APP: variants seen among roughly 807,000 people sequenced by gnomAD.
APP encodes the protein amyloid beta precursor protein.
Under a neutral mutation model 101.4 loss-of-function variants are expected in APP, and 31 were observed. That is an observed-to-expected ratio of 0.31 (90% CI 0.23 to 0.41). APP has a LOEUF of 0.41. APP is among the 10% of genes least tolerant of loss of function. APP has a pLI of 1.00. For missense variants in APP, 839 were observed against 1,003.7 expected (o/e 0.84, Z 2.22); for synonymous variants, 366 against 364.4 (o/e 1.00, Z -0.05).
chr21:26,128,096 C>G (rs1356493807), intron 1 of APP, among the ~76,000 whole-genome samples: 1 of 152,140 alleles, frequency 6.6e-6, no homozygotes, highest in African/African-American at 2.4e-5. Flanking sequence ...TTAAAATAGA[C>G]AATCTTTCCT....
chr21:26,156,633 C>T (rs2063380795), intron 1 of APP, among the ~76,000 whole-genome samples: 1 of 152,176 alleles, frequency 6.6e-6, no homozygotes, highest in South Asian at 2.1e-4. Flanking sequence ...GGGTTTGAAG[C>T]ATAGCCAGTT....
chr21:26,028,709 C>T (rs2044691024), intron 5 of APP, among the ~76,000 whole-genome samples: 1 of 152,108 alleles, frequency 6.6e-6, no homozygotes. Flanking sequence ...CTAAGCCAAC[C>T]CCTAGTAATT....
At chr21:26,053,917 C>A (rs1311501347) in intron 3 of APP, among the ~76,000 whole-genome samples, 2 of 152,088 alleles carry the variant, frequency 1.3e-5, no homozygotes, top group African/African-American at 4.8e-5. Context: ...TTTGTTAAAT[C>A]TTTAAAGAAA....
chr21:25,993,202 C>A (rs2042936280), intron 8 of APP, among the ~76,000 whole-genome samples: 1 of 152,220 alleles, frequency 6.6e-6, no homozygotes, highest in Admixed American at 6.5e-5. Flanking sequence ...TGTTTCATGT[C>A]ATCTGGACCA....
intron 6 of APP, among the ~76,000 whole-genome samples, chr21:26,008,312 A>T (rs1258021130): frequency 1.3e-5 from 2 of 152,178 alleles, no homozygotes; most frequent in Non-Finnish European, 2.9e-5. Context: ...AAAGGGTACC[A>T]CTGTGGTTTT....
intron 13 of APP, among the ~76,000 whole-genome samples, chr21:25,926,109 C>G (rs1037950242): frequency 6.6e-6 from 1 of 152,160 alleles, no homozygotes; most frequent in Admixed American, 6.5e-5. Context: ...CATTTCTGAA[C>G]CAGAAAGCCA....
intron 9 of APP, 85 bp from the exon 10 acceptor site, chr21:25,976,113 C>T: frequency 2.5e-6 from 3 of 1,202,674 alleles, no homozygotes; most frequent in Non-Finnish European, 3.7e-6. Context: ...TTATGTTTTT[C>T]CTCTATTTTT....
chr21:25,942,057 A>C (rs2040598372), intron 13 of APP: 1 of 152,186 alleles, frequency 6.6e-6, no homozygotes, highest in Non-Finnish European at 1.5e-5. Flanking sequence ...ATAATATAAA[A>C]ATCCTGCAAC....
chr21:25,920,429 T>A (rs1268781012), intron 13 of APP, among the ~76,000 whole-genome samples: 1 of 152,128 alleles, frequency 6.6e-6, no homozygotes, highest in African/African-American at 2.4e-5. Context: ...AGACACAGAC[T>A]GGCAAGTTGG....
At chr21:26,076,667 A>G (rs1321582256) in intron 3 of APP, among the ~76,000 whole-genome samples, 1 of 152,226 alleles carries the variant, frequency 6.6e-6, no homozygotes, top group Non-Finnish European at 1.5e-5. Flanking sequence ...AAGTTGAGAT[A>G]TAGCATACAA....
At chr21:26,042,134 T>C (rs2045399697) in intron 5 of APP, among the ~76,000 whole-genome samples, 1 of 152,216 alleles carries the variant, frequency 6.6e-6, no homozygotes, top group South Asian at 2.1e-4. Flanking sequence ...TTAGGTTTTT[T>C]TTCCTTGAGC....
intron 3 of APP, among the ~76,000 whole-genome samples, chr21:26,088,452 A>T (rs1304897894): frequency 6.6e-6 from 1 of 152,216 alleles, no homozygotes; most frequent in South Asian, 2.1e-4. Context: ...CTTACATTCT[A>T]ATGAAAATAT....
chr21:26,013,389 T>A (rs1015150199), intron 6 of APP, among the ~76,000 whole-genome samples: 2 of 151,966 alleles, frequency 1.3e-5, no homozygotes, highest in African/African-American at 4.8e-5. Context: ...AACCTCTGAG[T>A]TGCTGGATTT....
chr21:25,910,621 A>T (rs527270188), intron 14 of APP, among the ~76,000 whole-genome samples: 1 of 152,338 alleles, frequency 6.6e-6, no homozygotes, highest in East Asian at 1.9e-4. Flanking sequence ...TTGCCTGAAC[A>T]GGTGTTTCTG....
intron 1 of APP, among the ~76,000 whole-genome samples, chr21:26,134,600 G>A (rs1229397104): frequency 2.6e-5 from 4 of 152,184 alleles, no homozygotes; most frequent in Non-Finnish European, 5.9e-5. Context: ...ACCTCCATGT[G>A]TTCAGCTATC....
chr21:26,000,496 C>T (rs1601165705), intron 6 of APP, among the ~76,000 whole-genome samples: 2 of 152,202 alleles, frequency 1.3e-5, no homozygotes, highest in Admixed American at 6.5e-5. Context: ...CTGCACATCA[C>T]AACAATTCTC....
chr21:25,924,889 T>TC (rs1428721797), intron 13 of APP, among the ~76,000 whole-genome samples: 1 of 152,202 alleles, frequency 6.6e-6, no homozygotes, highest in Non-Finnish European at 1.5e-5. Context: ...TACTATTTTC[T>TC]TTCCTTTTTG....
chr21:25,988,420 G>A (rs1439712710), intron 8 of APP, among the ~76,000 whole-genome samples: 2 of 152,192 alleles, frequency 1.3e-5, no homozygotes, highest in Non-Finnish European at 2.9e-5. Context: ...GGAAAAGACA[G>A]GCTGGGTGCA....
intron 11 of APP, among the ~76,000 whole-genome samples, chr21:25,968,167 T>C (rs888996654): frequency 1.3e-5 from 2 of 152,142 alleles, no homozygotes; most frequent in African/African-American, 4.8e-5. Context: ...ACTTTTAATT[T>C]TGGAACAGCG....
Sources: gnomAD v4.1 joint callset for allele counts (sites outside exome capture counted in the v4.1 genomes callset) on GRCh38, gnomAD v4.1.1 for gene constraint, MANE v1.5 for transcripts, NCBI Gene and HGNC (gene_info 2026-07-23, HGNC 2026-07-21) for gene names.